USP48: variants seen among roughly 807,000 people sequenced by gnomAD.
USP48 encodes the protein ubiquitin specific peptidase 48, also known as ubiquitin carboxyl-terminal hydrolase 48.
Under a neutral mutation model 150.7 loss-of-function variants are expected in USP48, and 43 were observed. The ratio of observed to expected loss-of-function variants is 0.29; its 90% confidence interval spans 0.22 to 0.37. The LOEUF (loss-of-function observed/expected upper bound fraction) is 0.37, where lower values mean the gene tolerates loss of function less well. Among genes scored for constraint, USP48 ranks in the 10% least tolerant of loss-of-function variants. The pLI, the probability that USP48 is intolerant of heterozygous loss-of-function variation, is 1.00. For missense variants in USP48, 813 were observed against 1,249.6 expected (o/e 0.65, Z 5.27); for synonymous variants, 396 against 425.9 (o/e 0.93, Z 0.86).
chr1:21,722,050 T>C (rs1218832954), intron 12 of USP48, among the ~76,000 whole-genome samples: 5 of 152,094 alleles, frequency 3.3e-5, no homozygotes, highest in Non-Finnish European at 5.9e-5. Flanking sequence ...CTTTACAAGA[T>C]GATAATCAAA....
chr1:21,691,213 C>G (rs2097598704), intron 23 of USP48, among the ~76,000 whole-genome samples: 1 of 149,832 alleles, frequency 6.7e-6, no homozygotes, highest in Non-Finnish European at 1.5e-5. Flanking sequence ...ACTCGGGAGG[C>G]TGAGGCCAGA....
At chr1:21,753,601 C>T (rs1028749028) in intron 3 of USP48, among the ~76,000 whole-genome samples, 75 of 151,804 alleles carry the variant, frequency 4.9e-4, no homozygotes, top group Non-Finnish European at 1.0e-3. Context: ...CAGAGGCGGG[C>T]GAATAATCTG....
intron 1 of USP48, among the ~76,000 whole-genome samples, chr1:21,768,083 T>C (rs1162321546): frequency 2.6e-5 from 4 of 152,050 alleles, no homozygotes; most frequent in Non-Finnish European, 5.9e-5. Context: ...GGCGGGTACC[T>C]GTAGTCCCAG....
intron 25 of USP48, 128 bp from the exon 26 acceptor site, chr1:21,680,962 A>G: frequency 1.5e-6 from 1 of 680,872 alleles, no homozygotes. Flanking sequence ...TGTAATAATC[A>G]TCTTTGAAGT....
chr1:21,767,519 T>C lies in USP48; in HGVS notation c.135-9736A>G, dbSNP rs191088581. Among the ~76,000 whole-genome samples the C allele has an allele frequency of 5.7e-3, 864 of 151,994 alleles. 4 individuals are homozygous for C. The highest frequency in any genetic ancestry group is 0.014 in the Middle Eastern group (4 of 294). On this transcript the variant is annotated intron_variant, in intron 1 of 26. Coordinates refer to ENST00000308271, the MANE Select transcript of USP48 (RefSeq NM_032236.8). Reference sequence around the variant, plus strand: ...TTTGTATTTTTAGTAGAGATGGAGTTTCACTATGTTGGCCAGGCTGGTCTC... The same window carrying C: ...TTTGTATTTTTAGTAGAGATGGAGTCTCACTATGTTGGCCAGGCTGGTCTC...
intron 25 of USP48, among the ~76,000 whole-genome samples, chr1:21,683,465 G>A (rs2097572268): frequency 6.6e-6 from 1 of 151,954 alleles, no homozygotes; most frequent in South Asian, 2.1e-4. Flanking sequence ...GCTCACTGCA[G>A]CCTCCAACTC....
At chr1:21,685,494 T>C (rs2097578236) in intron 25 of USP48, among the ~76,000 whole-genome samples, 1 of 152,174 alleles carries the variant, frequency 6.6e-6, no homozygotes, top group African/African-American at 2.4e-5. Context: ...TTTGTAATTT[T>C]AGTAGAGATG....
Position 21,679,329 on chromosome 1 carries a change from C to A in USP48, c.*88G>T. ...GGAAGGGGCATGTAATGGTTTAATT[C>A]TTAAATCCACCTTTGCTTTAATGCC... On this transcript the variant is annotated 3_prime_UTR_variant, in exon 27 of 27. Coordinates refer to ENST00000308271, the MANE Select transcript of USP48 (RefSeq NM_032236.8). The A allele has an allele frequency of 6.5e-7, 1 of 1,548,232 alleles. No homozygotes were observed. Among genetic ancestry groups the A allele is most frequent in the South Asian group, 1.1e-5 (1 of 89,704 alleles).
chr1:21,780,109 T>C (rs1025050189), intron 1 of USP48, among the ~76,000 whole-genome samples: 1 of 152,118 alleles, frequency 6.6e-6, no homozygotes. Flanking sequence ...TGTATGCAAA[T>C]GTTCAGAGAA....
intron 25 of USP48, among the ~76,000 whole-genome samples, chr1:21,682,199 A>G (rs1416538526): frequency 6.6e-6 from 1 of 152,204 alleles, no homozygotes; most frequent in African/African-American, 2.4e-5. Flanking sequence ...TGTGAGGGTT[A>G]CAGACTTATA....
At chr1:21,740,767 A>G (rs766649504) in intron 8 of USP48, among the ~76,000 whole-genome samples, 1 of 152,258 alleles carries the variant, frequency 6.6e-6, no homozygotes, top group Non-Finnish European at 1.5e-5. Context: ...GTATGTTTAA[A>G]GAAATAAATG....
chr1:21,716,753 GCGTGGT>G, intron 14 of USP48, among the ~76,000 whole-genome samples: 1 of 152,178 alleles, frequency 6.6e-6, no homozygotes, highest in Non-Finnish European at 1.5e-5. Context: ...TGGGGGCCAG[GCGTGGT>G]GGCTCACGCC....
intron 15 of USP48, among the ~76,000 whole-genome samples, chr1:21,707,505 C>T (rs1160755590): frequency 6.6e-6 from 1 of 152,124 alleles, no homozygotes; most frequent in Non-Finnish European, 1.5e-5. Context: ...TTGAAGATCC[C>T]CTTCAATCTT....
chr1:21,696,394 C>T (rs553202590), intron 22 of USP48, among the ~76,000 whole-genome samples: 9 of 152,190 alleles, frequency 5.9e-5, no homozygotes, highest in Admixed American at 3.9e-4. Context: ...GCCGAGATTG[C>T]GCCACTGCAC....
chr1:21,709,071 G>A (rs1021469965), intron 15 of USP48, among the ~76,000 whole-genome samples: 4 of 151,582 alleles, frequency 2.6e-5, no homozygotes, highest in Non-Finnish European at 5.9e-5. Context: ...CACCATGCCC[G>A]CCTAATATTT....
At chr1:21,687,605 A>C (rs771096403) in intron 24 of USP48, among the ~76,000 whole-genome samples, 3 of 152,232 alleles carry the variant, frequency 2.0e-5, no homozygotes, top group Non-Finnish European at 2.9e-5. Flanking sequence ...GGTACAAATA[A>C]AAAGTTATAC....
intron 22 of USP48, 36 bp downstream of exon 22, chr1:21,701,462 G>A (rs900230110): frequency 1.1e-5 from 18 of 1,579,258 alleles, no homozygotes; most frequent in African/African-American, 1.3e-5. Context: ...AAGAACAGCA[G>A]AAAGTATAAC....
intron 3 of USP48, among the ~76,000 whole-genome samples, chr1:21,754,017 G>A (rs779802511): frequency 5.3e-5 from 8 of 151,174 alleles, no homozygotes; most frequent in Non-Finnish European, 1.0e-4. Context: ...AAAAATTAGT[G>A]GGGCATGGTA....
At chr1:21,756,986 T>C (rs1437426482) in intron 2 of USP48, 11 of 985,314 alleles carry the variant, frequency 1.1e-5, no homozygotes, top group Non-Finnish European at 1.3e-5. Context: ...CAGTGGATTC[T>C]AGAAAAGATC....
Sources: allele counts gnomAD v4.1 joint callset (sites outside exome capture counted in the v4.1 genomes callset), GRCh38; gene constraint gnomAD v4.1.1; transcripts MANE v1.5; gene names NCBI Gene and HGNC (gene_info 2026-07-23, HGNC 2026-07-21).